Variants in PTPN11 observed in about 807,000 individuals in gnomAD.
PTPN11 encodes protein tyrosine phosphatase non-receptor type 11, also known as tyrosine-protein phosphatase non-receptor type 11.
Under a neutral mutation model 78.8 loss-of-function variants are expected in PTPN11, and 6 were observed. The ratio of observed to expected loss-of-function variants is 0.08; its 90% CI spans 0.04 to 0.15. The LOEUF (loss-of-function observed/expected upper bound fraction) is 0.15. Among genes scored for constraint, PTPN11 ranks in the 10% least tolerant of loss-of-function variants. The pLI is 1.00. For synonymous variants in PTPN11, 221 were observed against 263.5 expected (o/e 0.84, Z 1.56); for missense variants, 386 against 744.8 (o/e 0.52, Z 5.61).
intron 6 of PTPN11, among the ~76,000 whole-genome samples, chr12:112,458,581 A>C (rs2038199826): frequency 6.6e-6 from 1 of 152,246 alleles, no homozygotes; most frequent in African/African-American, 2.4e-5. Flanking sequence ...GTCCTTGCTC[A>C]ACATTACTGA....
chr12:112,457,240 C>A, intron 6 of PTPN11: 1 of 404,338 alleles, frequency 2.5e-6, no homozygotes, highest in South Asian at 1.7e-5. Flanking sequence ...GTGATGTTCC[C>A]CTCCCTGTGT....
intron 9 of PTPN11, among the ~76,000 whole-genome samples, chr12:112,479,103 A>G (rs1481159859): frequency 6.6e-6 from 1 of 152,144 alleles, no homozygotes; most frequent in Admixed American, 6.5e-5. Context: ...CACTCCCACC[A>G]GCAGCACCTG....
rs933622154 is a variant in PTPN11 at position 112,508,196 on chromosome 12, A to T, written c.*2404A>T. The T allele has an allele frequency of 6.6e-6, 1 of 152,632 alleles. No individual in the cohort carries two copies. The allele number at this position is 152,632 out of a possible 1,614,324, so 9.5% of individuals were successfully genotyped here. Reference sequence around the variant, plus strand: ...TGATCTTGGCTAGTTTTGTTATAAGATATTGATTTCATTTAGATTTCCCTC... The same window carrying T: ...TGATCTTGGCTAGTTTTGTTATAAGTTATTGATTTCATTTAGATTTCCCTC... On this transcript the variant is annotated 3_prime_UTR_variant, in exon 16 of 16. Transcript: ENST00000351677.
chr12:112,488,361 G>T lies in PTPN11; in HGVS notation c.1380-82G>T, dbSNP rs554148931. On this transcript the variant is annotated intron_variant, in intron 11 of 15. Transcript: ENST00000351677. ...GCTCCAAAGAGTAGACATTGTTTCT[G>T]TTGATATTAATGGCTTGGTTTTGAG... 3.6e-6 allele frequency: 4 copies of T among 1,106,968 alleles called. No individual in the cohort carries two copies. In the East Asian group the frequency reaches 9.4e-5, roughly 26 times the overall value. 68.6% of individuals were successfully genotyped at this position (1,106,968 alleles called of 1,614,324 possible). A position where few individuals can be genotyped will look rare whatever the true frequency, so the allele number is the denominator to read the frequency against.
At chr12:112,462,600 A>G (rs2038265296) in intron 6 of PTPN11, among the ~76,000 whole-genome samples, 1 of 152,240 alleles carries the variant, frequency 6.6e-6, no homozygotes, top group African/African-American at 2.4e-5. Context: ...GCCATAGTAT[A>G]AAAAGTTATG....
intron 10 of PTPN11, among the ~76,000 whole-genome samples, chr12:112,485,142 G>C (rs1342390028): frequency 1.3e-5 from 2 of 152,088 alleles, no homozygotes; most frequent in South Asian, 2.1e-4. Context: ...CCAGCTACTC[G>C]GGAGTCGAGT....
chr12:112,426,685 T>A lies in PTPN11; in HGVS notation c.14+7560T>A, dbSNP rs183713623. On this transcript the variant is annotated intron_variant, in intron 1 of 15. Transcript: ENST00000351677. ...GTGTAATAGGCCCTGGAGCTTATTT[T>A]AGACATTGATTTGAGGCTCTTTTCC... 4.6e-4 allele frequency among the ~76,000 whole-genome samples: 70 copies of A among 152,302 alleles called. 3 individuals are homozygous for A. The highest frequency in any genetic ancestry group is 4.2e-3 in the Admixed American group (64 of 15,276).
chr12:112,437,619 T>C (rs572817518), intron 1 of PTPN11, among the ~76,000 whole-genome samples: 1 of 152,342 alleles, frequency 6.6e-6, no homozygotes, highest in African/African-American at 2.4e-5. Flanking sequence ...TCTTGTGCCA[T>C]CTTTATTGGT....
chr12:112,424,958 G>T (rs1162930639), intron 1 of PTPN11, among the ~76,000 whole-genome samples: 15 of 26,500 alleles, frequency 5.7e-4, no homozygotes, highest in African/African-American at 1.8e-3. Context: ...CAGGCTAATT[G>T]TGTGTGTGTG....
chr12:112,496,771 G>T lies in PTPN11; in HGVS notation c.1600-5373G>T, dbSNP rs1276637853. 2.0e-5 allele frequency among the ~76,000 whole-genome samples: 3 copies of T among 152,146 alleles called. No individual in the cohort carries two copies. The East Asian group carries it at 5.8e-4, about 29-fold the overall frequency. Reference sequence around the variant, plus strand: ...CTATACCCATGTGAGAATTGTATTTGCACTTCTTGTTTGAAGGAAATACAT... The same window carrying T: ...CTATACCCATGTGAGAATTGTATTTTCACTTCTTGTTTGAAGGAAATACAT... On this transcript the variant is annotated intron_variant, in intron 13 of 15. Coordinates refer to ENST00000351677, the MANE Select transcript of PTPN11 (RefSeq NM_002834.5).
chr12:112,468,376 TG>T (rs2038362601), intron 6 of PTPN11, among the ~76,000 whole-genome samples: 1 of 152,196 alleles, frequency 6.6e-6, no homozygotes, highest in Non-Finnish European at 1.5e-5. Flanking sequence ...AGCCTGGTGC[TG>T]GGGAGGAAGC....
chr12:112,466,562 G>A (rs942256667), intron 6 of PTPN11, among the ~76,000 whole-genome samples: 1 of 152,084 alleles, frequency 6.6e-6, no homozygotes, highest in Non-Finnish European at 1.5e-5. Flanking sequence ...ATATTGGCCA[G>A]GCTGATCTCA....
chr12:112,466,314 T>TG (rs1269702795), intron 6 of PTPN11, among the ~76,000 whole-genome samples: 1 of 152,172 alleles, frequency 6.6e-6, no homozygotes, highest in African/African-American at 2.4e-5. Context: ...GAACAGCAAG[T>TG]GCAAAGGCCC....
intron 1 of PTPN11, among the ~76,000 whole-genome samples, chr12:112,444,245 A>G (rs545615648): frequency 1.3e-5 from 2 of 152,260 alleles, no homozygotes; most frequent in South Asian, 2.1e-4. Flanking sequence ...TGCTGTGAAT[A>G]TGAGTTATAG....
chr12:112,433,875 T>G (rs1276942854), intron 1 of PTPN11, among the ~76,000 whole-genome samples: 1 of 152,148 alleles, frequency 6.6e-6, no homozygotes, highest in Non-Finnish European at 1.5e-5. Flanking sequence ...GAGGGATCGC[T>G]TGTGCCTGGC....
intron 1 of PTPN11, among the ~76,000 whole-genome samples, chr12:112,436,678 C>T (rs1594135700): frequency 1.3e-5 from 2 of 149,966 alleles, no homozygotes; most frequent in African/African-American, 4.9e-5. Flanking sequence ...TGAGCCTTGG[C>T]ATTTCATTGC....
intron 10 of PTPN11, 98 bp from the exon 11 acceptor site, chr12:112,486,377 C>T (rs2135911945): frequency 4.8e-6 from 6 of 1,260,734 alleles, no homozygotes; most frequent in South Asian, 3.7e-5. Context: ...GGGAGATTCT[C>T]TTCCTCTCCA....
intron 13 of PTPN11, among the ~76,000 whole-genome samples, chr12:112,491,429 T>C (rs1200341489): frequency 2.0e-5 from 3 of 152,212 alleles, no homozygotes; most frequent in Non-Finnish European, 4.4e-5. Flanking sequence ...GTAAAATGTT[T>C]GTTGGTTACA....
At chr12:112,467,790 C>T (rs1322857152) in intron 6 of PTPN11, among the ~76,000 whole-genome samples, 1 of 152,114 alleles carries the variant, frequency 6.6e-6, no homozygotes, top group East Asian at 1.9e-4. Context: ...CCACTGCGCA[C>T]GGCCACCACA....
Sources: gnomAD v4.1 joint callset for allele counts (sites outside exome capture counted in the v4.1 genomes callset) on GRCh38, gnomAD v4.1.1 for gene constraint, MANE v1.5 for transcripts, NCBI Gene and HGNC (gene_info 2026-07-23, HGNC 2026-07-21) for gene names.